Variants in TTC23 observed in about 807,000 individuals in gnomAD.
TTC23 encodes the protein tetratricopeptide repeat protein 23.
A neutral mutation model predicts 55.1 loss-of-function variants in TTC23; 58 were observed. That is an observed-to-expected ratio of 1.05 (90% CI 0.85 to 1.31). The LOEUF (loss-of-function observed/expected upper bound fraction) is 1.31. TTC23 is among the 50% of genes most tolerant of loss of function. TTC23 has a pLI of 0.00. For synonymous variants in TTC23, 203 were observed against 199.9 expected (o/e 1.02, Z -0.13); for missense variants, 516 against 534.4 (o/e 0.97, Z 0.34).
chr15:99,237,207 C>T (rs1007124849), intron 3 of TTC23, among the ~76,000 whole-genome samples: 1 of 152,212 alleles, frequency 6.6e-6, no homozygotes, highest in East Asian at 1.9e-4. Context: ...GTCTCAAACT[C>T]CTGACCTTAA....
chr15:99,188,497 G>T (rs767061380), intron 9 of TTC23, among the ~76,000 whole-genome samples: 1 of 151,866 alleles, frequency 6.6e-6, no homozygotes, highest in Non-Finnish European at 1.5e-5. Flanking sequence ...CTCAAAAAAC[G>T]CTATGAACAA....
chr15:99,182,248 T>TCTCTCTCA (rs1286172224), intron 9 of TTC23, among the ~76,000 whole-genome samples: 2 of 108,692 alleles, frequency 1.8e-5, no homozygotes, highest in East Asian at 2.8e-4. Flanking sequence ...TCTCTCTCTC[T>TCTCTCTCA]CACACACACA....
intron 11 of TTC23, chr15:99,158,288 T>C (rs1010753335): frequency 6.6e-6 from 1 of 152,232 alleles, no homozygotes; most frequent in African/African-American, 2.4e-5. Context: ...TTTGGTGATA[T>C]TTCTGTGGGA....
intron 4 of TTC23, among the ~76,000 whole-genome samples, chr15:99,233,672 C>G (rs747279238): frequency 6.6e-6 from 1 of 152,112 alleles, no homozygotes; most frequent in Non-Finnish European, 1.5e-5. Flanking sequence ...TTTATCTCTA[C>G]GATCAGAAAC....
chr15:99,239,124 G>C (rs1026560239), intron 3 of TTC23, among the ~76,000 whole-genome samples: 1 of 152,182 alleles, frequency 6.6e-6, no homozygotes, highest in Non-Finnish European at 1.5e-5. Context: ...AGGTCAAACT[G>C]TGAGAATGCT....
intron 1 of TTC23, among the ~76,000 whole-genome samples, chr15:99,247,895 C>T (rs2080398006): frequency 6.6e-6 from 1 of 151,788 alleles, no homozygotes; most frequent in African/African-American, 2.4e-5. Flanking sequence ...TGAGTTATAT[C>T]CTTAAGACAA....
At chr15:99,238,438 AG>A (rs2079501976) in intron 3 of TTC23, among the ~76,000 whole-genome samples, 1 of 152,176 alleles carries the variant, frequency 6.6e-6, no homozygotes, top group Admixed American at 6.5e-5. Context: ...TTGCTAGAAG[AG>A]TGGCAAGTGC....
chr15:99,169,765 C>T (rs117870515), intron 10 of TTC23, among the ~76,000 whole-genome samples: 2,585 of 152,284 alleles, frequency 0.017, 33 homozygotes, highest in Non-Finnish European at 0.028. Flanking sequence ...GAGGCTAGGA[C>T]CAGTGGGGGC....
In TTC23 at chr15:99,179,306, A is replaced by G. The variant is rs186846595; in HGVS notation, c.760-4151T>C. On this transcript the variant is annotated intron_variant, in intron 9 of 13. Transcript: ENST00000394132. The stretch of plus-strand genomic sequence containing the variant: ...CCCATTTTGGCTCTTGGGGGGCCCT[A>G]GATCTATTGCCTCCATGCACATCTA... 2.7e-3 allele frequency among the ~76,000 whole-genome samples: 408 copies of G among 152,244 alleles called. 1 individual carries two copies. The highest frequency in any genetic ancestry group is 7.4e-3 in the African/African-American group (308 of 41,528).
chr15:99,190,724 C>T (rs900029246), intron 9 of TTC23, among the ~76,000 whole-genome samples: 6 of 152,166 alleles, frequency 3.9e-5, no homozygotes, highest in Non-Finnish European at 7.4e-5. Flanking sequence ...ACAAGACCTA[C>T]ATGCTGCATG....
intron 10 of TTC23, among the ~76,000 whole-genome samples, chr15:99,173,410 C>CT (rs2073181415): frequency 6.6e-6 from 1 of 152,130 alleles, no homozygotes; most frequent in Non-Finnish European, 1.5e-5. Flanking sequence ...TGGCAAGACT[C>CT]TGTCTTTAAA....
intron 10 of TTC23, among the ~76,000 whole-genome samples, chr15:99,163,516 C>T (rs2071663479): frequency 6.6e-6 from 1 of 152,200 alleles, no homozygotes; most frequent in Admixed American, 6.5e-5. Flanking sequence ...CACCAGACTT[C>T]TAACCTACAG....
rs1044135973 is a variant in TTC23 at position 99,200,048 on chromosome 15, T to C, written c.630A>G (p.Gln210=). ...KKSKEALSHY[Q]AALEYVEISK... is the part of the protein sequence containing the mutation. ...TGATCTCAACATATTCCAAAGCTGCTTGATAGTGGGACAAAGCTTCTTTTG... is the reference window on the plus strand; with the variant it reads ...TGATCTCAACATATTCCAAAGCTGCCTGATAGTGGGACAAAGCTTCTTTTG... Residue 210 remains glutamine (Q), a synonymous_variant, in exon 9 of 14, where the codon CAA becomes CAG. Transcript: ENST00000394132. 3.7e-6 allele frequency: 6 copies of C among 1,613,218 alleles called. No individual in the cohort carries two copies. The African/African-American group carries it at 4.0e-5, about 11-fold the overall frequency.
In TTC23 at chr15:99,228,549, T is replaced by A; in HGVS notation, c.164A>T (p.Tyr55Phe). 6.2e-7 allele frequency: 1 copy of A among 1,612,670 alleles called. No individual in the cohort carries two copies. Among genetic ancestry groups the A allele is most frequent in the Non-Finnish European group, 8.5e-7 (1 of 1,179,290 alleles). Reference protein sequence around the residue: ...LHLCEEKAKSYSNSHEYKQAV... With the variant: ...LHLCEEKAKSFSNSHEYKQAV... ...TCTCCTTACCTCATGACTGTTGGAATAGGACTTTGCTTTCTCTTCACAGAG... is the reference window on the plus strand; with the variant it reads ...TCTCCTTACCTCATGACTGTTGGAAAAGGACTTTGCTTTCTCTTCACAGAG... The change falls in exon 5 of 14, where the codon TAT (tyrosine) becomes TTT (phenylalanine). Residue 55 changes from tyrosine to phenylalanine, a missense_variant. Transcript: ENST00000394132.
At chr15:99,181,264 G>A (rs1469445894) in intron 9 of TTC23, among the ~76,000 whole-genome samples, 1 of 151,846 alleles carries the variant, frequency 6.6e-6, no homozygotes, top group Non-Finnish European at 1.5e-5. Flanking sequence ...AGATATTTAA[G>A]GGTCAGAGAA....
intron 12 of TTC23, among the ~76,000 whole-genome samples, chr15:99,150,824 T>C (rs559089068): frequency 6.6e-6 from 1 of 152,322 alleles, no homozygotes; most frequent in South Asian, 2.1e-4. Context: ...CTGGCAAACC[T>C]GGTCTTAGGC....
At chr15:99,193,612 T>C (rs2075432378) in intron 9 of TTC23, among the ~76,000 whole-genome samples, 1 of 152,250 alleles carries the variant, frequency 6.6e-6, no homozygotes, top group African/African-American at 2.4e-5. Context: ...GTCTTGGGTA[T>C]GTCTTTATCA....
At chr15:99,235,473 C>A (rs190898686) in intron 3 of TTC23, among the ~76,000 whole-genome samples, 1 of 151,318 alleles carries the variant, frequency 6.6e-6, no homozygotes, top group African/African-American at 2.4e-5. Flanking sequence ...TGGGTTCAAG[C>A]GATTCCCCTG....
At chr15:99,232,278 G>C (rs1392515364) in intron 4 of TTC23, among the ~76,000 whole-genome samples, 1 of 151,572 alleles carries the variant, frequency 6.6e-6, no homozygotes, top group East Asian at 1.9e-4. Context: ...AAGAGATGGA[G>C]ACCATCCTGG....
Sources: allele counts gnomAD v4.1 joint callset (sites outside exome capture counted in the v4.1 genomes callset), GRCh38; gene constraint gnomAD v4.1.1; transcripts MANE v1.5; gene names NCBI Gene and HGNC (gene_info 2026-07-23, HGNC 2026-07-21).